The following STAU2 variants were observed in gnomAD, a reference collection of about 807,000 sequenced individuals.
STAU2 encodes the protein staufen double-stranded RNA binding protein 2.
In STAU2, 20 loss-of-function variants were observed where a neutral mutation model predicts 65.9. The ratio of observed to expected loss-of-function variants is 0.30; its 90% CI spans 0.21 to 0.44. The LOEUF (loss-of-function observed/expected upper bound fraction) is 0.44. STAU2 is among the 20% of genes least tolerant of loss of function. The pLI is 1.00. For missense variants in STAU2, 558 were observed against 683.9 expected, an observed-to-expected ratio of 0.82 and a Z score of 2.05; for synonymous variants, 232 against 233.9, an observed-to-expected ratio of 0.99 and a Z score of 0.07.
rs981826552 is a variant in STAU2 at position 73,533,878 on chromosome 8, A to G, written c.1530+18134T>C. ...CAGCTCCGAAAAGAAGTTGAGTCAA[A>G]CTACTTCCTGCAGAGCTAAAAGTCC... On this transcript the variant is annotated intron_variant, in intron 13 of 14. Coordinates refer to ENST00000524300, the MANE Select transcript of STAU2 (RefSeq NM_001164380.2). Among the ~76,000 whole-genome samples, 10 of 152,316 alleles carry G rather than the reference A, an allele frequency of 6.6e-5. No homozygotes were observed. The South Asian group carries it at 1.7e-3, about 25-fold the overall frequency.
intron 6 of STAU2, among the ~76,000 whole-genome samples, chr8:73,639,862 T>C (rs1226967637): frequency 6.6e-6 from 1 of 152,088 alleles, no homozygotes; most frequent in East Asian, 1.9e-4. Context: ...CAATAAAAGC[T>C]ATCAAATAGA....
intron 6 of STAU2, among the ~76,000 whole-genome samples, chr8:73,656,201 G>A (rs1390559485): frequency 6.6e-6 from 1 of 152,144 alleles, no homozygotes; most frequent in Non-Finnish European, 1.5e-5. Flanking sequence ...GCTAAAATGA[G>A]ATAAGTTCTC....
chr8:73,730,954 T>C (rs1806022815), intron 3 of STAU2, among the ~76,000 whole-genome samples: 2 of 152,184 alleles, frequency 1.3e-5, no homozygotes, highest in African/African-American at 2.4e-5. Flanking sequence ...CTGAATTTTG[T>C]TGTATTCCTC....
At chr8:73,715,934 A>G (rs1436331164) in intron 3 of STAU2, among the ~76,000 whole-genome samples, 1 of 151,766 alleles carries the variant, frequency 6.6e-6, no homozygotes, top group African/African-American at 2.4e-5. Context: ...TTTTTTTTTG[A>G]GACGGAGTCT....
intron 6 of STAU2, among the ~76,000 whole-genome samples, chr8:73,629,715 A>C (rs939927624): frequency 6.6e-6 from 1 of 152,066 alleles, no homozygotes; most frequent in East Asian, 1.9e-4. Context: ...AAACCAGATG[A>C]TTTACTGGAA....
intron 1 of STAU2, among the ~76,000 whole-genome samples, chr8:73,744,672 T>G (rs1807152109): frequency 2.0e-5 from 3 of 152,198 alleles, no homozygotes; most frequent in Non-Finnish European, 2.9e-5. Context: ...ACAAGCCAAG[T>G]AAGCTAAAAT....
At chr8:73,422,736 C>A in intron 13 of STAU2, 34 bp from the exon 14 acceptor site, 1 of 1,362,938 alleles carries the variant, frequency 7.3e-7, no homozygotes, top group Non-Finnish European at 9.7e-7. Flanking sequence ...GAGCCATTCA[C>A]TGACTCTAGT....
At chr8:73,496,977 G>A (rs1357453946) in intron 13 of STAU2, among the ~76,000 whole-genome samples, 1 of 151,610 alleles carries the variant, frequency 6.6e-6, no homozygotes, top group East Asian at 1.9e-4. Flanking sequence ...AATAAAATTA[G>A]CATCAAATTC....
chr8:73,624,434 A>G (rs1813492432), intron 6 of STAU2, among the ~76,000 whole-genome samples: 1 of 152,216 alleles, frequency 6.6e-6, no homozygotes, highest in Non-Finnish European at 1.5e-5. Flanking sequence ...ATGGATATAT[A>G]GATAAATCAT....
chr8:73,746,841 G>C (rs1312861398), upstream of STAU2: 2 of 1,223,718 alleles, frequency 1.6e-6, no homozygotes, highest in African/African-American at 1.6e-5. Flanking sequence ...ACAGAGAACT[G>C]ACCCCGCTCG....
At chr8:73,429,356 C>G (rs1817077853) in intron 13 of STAU2, among the ~76,000 whole-genome samples, 1 of 141,126 alleles carries the variant, frequency 7.1e-6, no homozygotes, top group Admixed American at 7.3e-5. Flanking sequence ...CTTAAGGTCA[C>G]ACAGCTAATA....
chr8:73,595,093 G>A, intron 11 of STAU2, 73 bp downstream of exon 11: 2 of 1,304,694 alleles, frequency 1.5e-6, no homozygotes, highest in South Asian at 3.7e-5. Context: ...TTTAATATCA[G>A]TTAAGATCAA....
rs78390001 is a variant in STAU2, at chr8:73,588,993, C to T, written c.1162-6163G>A. Among the ~76,000 whole-genome samples, 1,035 of 152,268 alleles carry T rather than the reference C, an allele frequency of 6.8e-3. 26 individuals carry two copies. The highest frequency in any genetic ancestry group is 0.04 in the Admixed American group (615 of 15,282). On this transcript the variant is annotated intron_variant, in intron 11 of 14. Coordinates refer to ENST00000524300, the MANE Select transcript of STAU2 (RefSeq NM_001164380.2). ...TTAAATAATAAATAGCAGCAGTCTACTACAGAGCCTGAAGAGAGATAACCC... is the reference window on the plus strand; with the variant it reads ...TTAAATAATAAATAGCAGCAGTCTATTACAGAGCCTGAAGAGAGATAACCC...
intron 3 of STAU2, among the ~76,000 whole-genome samples, chr8:73,717,625 G>T (rs1211074617): frequency 1.5e-5 from 1 of 65,656 alleles, no homozygotes. Flanking sequence ...TTTGTCTTTT[G>T]TTGTTGTTGT....
In STAU2 at chr8:73,648,101, A is replaced by T. The variant is rs183274918; in HGVS notation, c.410+25006T>A. On this transcript the variant is annotated intron_variant, in intron 6 of 14. Transcript: ENST00000524300. ...AGTGAATCTCTAATTATTTCTAAATAAAAAGATTTTTCAAAAGGAAGACAG... is the reference window on the plus strand; with the variant it reads ...AGTGAATCTCTAATTATTTCTAAATTAAAAGATTTTTCAAAAGGAAGACAG... Among the ~76,000 whole-genome samples, 100 of 152,334 alleles carry T rather than the reference A, an allele frequency of 6.6e-4. 1 individual carries two copies. The East Asian group carries it at 0.018, about 28-fold the overall frequency.
intron 6 of STAU2, among the ~76,000 whole-genome samples, chr8:73,662,248 A>T (rs961557365): frequency 2.0e-5 from 3 of 152,176 alleles, no homozygotes; most frequent in Admixed American, 6.5e-5. Context: ...AGTTGTAGGT[A>T]TTCCTTTATA....
chr8:73,659,919 A>G (rs1816701736), intron 6 of STAU2, among the ~76,000 whole-genome samples: 1 of 152,212 alleles, frequency 6.6e-6, no homozygotes. Flanking sequence ...TGAGGGGAGA[A>G]AAACTTACGG....
intron 5 of STAU2, among the ~76,000 whole-genome samples, chr8:73,675,725 CTGTT>C (rs1036540016): frequency 2.0e-5 from 3 of 152,124 alleles, no homozygotes; most frequent in Non-Finnish European, 1.5e-5. Context: ...GACTGAGGAA[CTGTT>C]TGTTACAGAT....
intron 13 of STAU2, among the ~76,000 whole-genome samples, chr8:73,533,251 T>A (rs1263506308): frequency 6.6e-6 from 1 of 152,242 alleles, no homozygotes; most frequent in Non-Finnish European, 1.5e-5. Flanking sequence ...CACCATCAAC[T>A]ACTATAAATT....
Sources: gnomAD v4.1 joint callset for allele counts (sites outside exome capture counted in the v4.1 genomes callset) on GRCh38, gnomAD v4.1.1 for gene constraint, MANE v1.5 for transcripts, NCBI Gene and HGNC (gene_info 2026-07-23, HGNC 2026-07-21) for gene names.